GPHN: variants seen among roughly 807,000 people sequenced by gnomAD.
GPHN encodes the protein gephyrin.
GPHN carries 17 observed loss-of-function variants against 95.5 expected under a neutral mutation model. The observed-to-expected ratio is 0.18, with a 90% CI of 0.12 to 0.27. The LOEUF (loss-of-function observed/expected upper bound fraction) is 0.27. Ranked by LOEUF, GPHN falls within the 10% of genes least tolerant of loss-of-function variation. GPHN has a pLI of 1.00. For missense variants in GPHN, 660 were observed against 978.1 expected, an observed-to-expected ratio of 0.67 and a Z score of 4.34; for synonymous variants, 320 against 322.5, an observed-to-expected ratio of 0.99 and a Z score of 0.08.
chr14:67,251,563 T>G, the GPHN span, among the ~76,000 whole-genome samples: 1 of 150,320 alleles, frequency 6.7e-6, no homozygotes, highest in Non-Finnish European at 1.5e-5. Flanking sequence ...TGAATTAAAG[T>G]GAAGAACTTT....
the GPHN span, among the ~76,000 whole-genome samples, chr14:67,246,278 C>T: frequency 7.0e-3 from 1,062 of 151,450 alleles, 10 homozygotes; most frequent in African/African-American, 0.023. Flanking sequence ...ACAGGCGTGC[C>T]ACCGCACTTG....
At chr14:67,539,515 T>C in the GPHN span, among the ~76,000 whole-genome samples, 1 of 152,128 alleles carries the variant, frequency 6.6e-6, no homozygotes, top group Admixed American at 6.6e-5. Flanking sequence ...ATGGTAAAGG[T>C]CAGTGCTTGG....
chr14:66,974,798 G>A (rs903510472), intron 9 of GPHN, among the ~76,000 whole-genome samples: 3 of 152,004 alleles, frequency 2.0e-5, no homozygotes, highest in African/African-American at 7.2e-5. Context: ...TACCAAGAAG[G>A]CAGTGATTAA....
At chr14:67,505,942 C>T in the GPHN span, among the ~76,000 whole-genome samples, 6 of 152,114 alleles carry the variant, frequency 3.9e-5, no homozygotes, top group Non-Finnish European at 2.9e-5. Flanking sequence ...CTTGGGTATC[C>T]GTCCATCTCA....
chr14:67,517,090 A>G, the GPHN span, among the ~76,000 whole-genome samples: 1 of 152,244 alleles, frequency 6.6e-6, no homozygotes, highest in African/African-American at 2.4e-5. Flanking sequence ...GGCTACAGGC[A>G]GGCATGTGGG....
chr14:67,574,888 C>G, the GPHN span, among the ~76,000 whole-genome samples: 1 of 152,182 alleles, frequency 6.6e-6, no homozygotes, highest in Non-Finnish European at 1.5e-5. This position sits in a 1 kb window ranked among gnomAD's most constrained non-coding sequence, Gnocchi z 4.2. Flanking sequence ...TTAGCTAGAC[C>G]AGAACACCAG....
chr14:67,729,611 A>G, the GPHN span: 2 of 630,454 alleles, frequency 3.2e-6, no homozygotes, highest in Non-Finnish European at 5.7e-6. Flanking sequence ...CCGCTTTTCC[A>G]TGAAAACTTT....
chr14:67,488,828 A>G, the GPHN span: 1 of 152,230 alleles, frequency 6.6e-6, no homozygotes, highest in Non-Finnish European at 1.5e-5. Flanking sequence ...CTGGCAGATG[A>G]AGCCCCAGCA....
chr14:67,528,304 G>A, the GPHN span, among the ~76,000 whole-genome samples: 22 of 152,238 alleles, frequency 1.4e-4, 1 homozygote, highest in East Asian at 3.7e-3. Context: ...TGTCTACAGC[G>A]GCCACACATG....
the GPHN span, chr14:67,221,674 A>G: frequency 6.5e-7 from 1 of 1,531,204 alleles, no homozygotes; most frequent in South Asian, 1.2e-5. Flanking sequence ...ATTACTACCC[A>G]CAGAGCATTT....
chr14:67,612,329 T>G, the GPHN span, among the ~76,000 whole-genome samples: 1 of 152,312 alleles, frequency 6.6e-6, no homozygotes, highest in South Asian at 2.1e-4. Context: ...TGTAAATATG[T>G]GCTGGGAGCC....
At chr14:67,339,293 A>G in the GPHN span, among the ~76,000 whole-genome samples, 39,284 of 152,060 alleles carry the variant, frequency 0.26, 9,372 homozygotes, top group African/African-American at 0.6. Context: ...CACCGAGCCC[A>G]GCCTAGAAGC....
the GPHN span, among the ~76,000 whole-genome samples, chr14:67,368,752 G>A: frequency 1.3e-5 from 2 of 152,106 alleles, no homozygotes; most frequent in Non-Finnish European, 2.9e-5. Flanking sequence ...GCCAGTTGCA[G>A]TGGTCTGTGC....
At chr14:67,378,314 CTTTTTTT>C in the GPHN span, among the ~76,000 whole-genome samples, 7 of 107,630 alleles carry the variant, frequency 6.5e-5, no homozygotes, top group East Asian at 2.7e-4. Context: ...TCTCATGTGA[CTTTTTTT>C]TTTTTTTTTT....
At chr14:67,190,548 C>T in the GPHN span, among the ~76,000 whole-genome samples, 1 of 152,170 alleles carries the variant, frequency 6.6e-6, no homozygotes, top group Non-Finnish European at 1.5e-5. Flanking sequence ...ATTTTTCAGA[C>T]TGTTATCCCA....
the GPHN span, among the ~76,000 whole-genome samples, chr14:67,215,875 A>G: frequency 6.6e-6 from 1 of 152,126 alleles, no homozygotes; most frequent in Non-Finnish European, 1.5e-5. Flanking sequence ...ACAAATCAAA[A>G]TCTCACAAAG....
chr14:66,603,609 T>C (rs1362951199), intron 1 of GPHN, among the ~76,000 whole-genome samples: 1 of 152,020 alleles, frequency 6.6e-6, no homozygotes, highest in Admixed American at 6.5e-5. Flanking sequence ...CCTATTTTTG[T>C]ATGGTGAAGG....
At chr14:67,017,584 A>G (rs1024538405) in intron 9 of GPHN, among the ~76,000 whole-genome samples, 4 of 152,090 alleles carry the variant, frequency 2.6e-5, no homozygotes, top group African/African-American at 9.6e-5. Flanking sequence ...AAAAATTTCT[A>G]TCATCTCTGT....
At chr14:66,817,805 A>G (rs529566207) in intron 3 of GPHN, among the ~76,000 whole-genome samples, 8 of 152,258 alleles carry the variant, frequency 5.3e-5, no homozygotes, top group African/African-American at 1.7e-4. Flanking sequence ...GAAGTTTACC[A>G]AAGAGTGAAG....
Sources: gnomAD v4.1 joint callset for allele counts (sites outside exome capture counted in the v4.1 genomes callset) on GRCh38, gnomAD v4.1.1 for gene constraint, Gnocchi (gnomAD v3.1) non-coding constraint, MANE v1.5 for transcripts, NCBI Gene and HGNC (gene_info 2026-07-23, HGNC 2026-07-21) for gene names.